Variants in CAMK1D observed in about 807,000 individuals in gnomAD.
The protein encoded by CAMK1D is calcium/calmodulin-dependent protein kinase type 1D.
A neutral mutation model predicts 47.7 loss-of-function variants in CAMK1D; 9 were observed. That is an observed-to-expected ratio of 0.19 (90% confidence interval 0.11 to 0.33). The LOEUF is 0.33. CAMK1D is among the 10% of genes least tolerant of loss of function. The pLI is 1.00. For synonymous variants in CAMK1D, 184 were observed against 184.9 expected (o/e 0.99, Z 0.04); for missense variants, 291 against 488.7 (o/e 0.60, Z 3.81).
In CAMK1D at chr10:12,828,655, A is replaced by AG. The variant is rs1833344771; in HGVS notation, c.1040-114_1040-113insG. The AG allele has an allele frequency of 4.9e-6, 3 of 613,102 alleles. No individual in the cohort carries two copies. In the Admixed American group the frequency reaches 9.5e-5, roughly 19 times the overall value. 38.0% of individuals were successfully genotyped at this position (613,102 alleles called of 1,614,324 possible). A position where few individuals can be genotyped will look rare whatever the true frequency, so the allele number is the denominator to read the frequency against. On this transcript the variant is annotated intron_variant, in intron 10 of 10. Transcript: ENST00000619168. The stretch of plus-strand genomic sequence containing the variant: ...AACTCCATCTCAAGAAAAAAAAAAA[A>AG]TTGGGCCCCCCCGCCCCCCACCATA...
intron 1 of CAMK1D, among the ~76,000 whole-genome samples, chr10:12,350,116 G>T (rs1263342059): frequency 2.6e-5 from 4 of 151,936 alleles, no homozygotes; most frequent in Non-Finnish European, 2.9e-5. Context: ...TCCCGGGAGG[G>T]GGAGGGGGCA....
At chr10:12,451,565 C>T (rs1267140663) in intron 1 of CAMK1D, among the ~76,000 whole-genome samples, 2 of 152,084 alleles carry the variant, frequency 1.3e-5, no homozygotes, top group African/African-American at 2.4e-5. Context: ...TTAGAGGGGG[C>T]GAGAGAAATG....
At chr10:12,630,575 G>GTTTTA (rs573752798) in intron 2 of CAMK1D, among the ~76,000 whole-genome samples, 365 of 151,824 alleles carry the variant, frequency 2.4e-3, no homozygotes, top group Middle Eastern at 0.024. Flanking sequence ...TTGCTTTGTT[G>GTTTTA]TTTTATTTTA....
chr10:12,531,734 C>T (rs1835811481), intron 1 of CAMK1D, among the ~76,000 whole-genome samples: 1 of 152,224 alleles, frequency 6.6e-6, no homozygotes, highest in Non-Finnish European at 1.5e-5. Flanking sequence ...AAACTGCTGT[C>T]CCCTGACATC....
intron 6 of CAMK1D, among the ~76,000 whole-genome samples, chr10:12,805,318 G>A (rs987464111): frequency 6.6e-6 from 1 of 151,018 alleles, no homozygotes; most frequent in African/African-American, 2.4e-5. Context: ...ACCAAGGTGG[G>A]AAGGTAAACA....
chr10:12,452,983 C>T (rs111965958), intron 1 of CAMK1D, among the ~76,000 whole-genome samples: 50 of 152,226 alleles, frequency 3.3e-4, no homozygotes, highest in African/African-American at 1.1e-3. Flanking sequence ...AGAAACTCTG[C>T]CCTCATTCAA....
rs138037823 is a variant in CAMK1D at position 12,828,278 on chromosome 10, T to C, written c.1040-491T>C. Among the ~76,000 whole-genome samples the C allele has an allele frequency of 2.4e-3, 362 of 152,222 alleles. 10 individuals carry two copies. The highest frequency in any genetic ancestry group is 0.021 in the Admixed American group (321 of 15,296). On this transcript the variant is annotated intron_variant, in intron 10 of 10. Transcript: ENST00000619168. ...AAAAAGGAGAGGAGAGGTCTAAGAA[T>C]AAAGCATTTTGAACCCATTGCAAAG...
intron 5 of CAMK1D, among the ~76,000 whole-genome samples, chr10:12,784,278 A>G (rs976633244): frequency 1.3e-5 from 2 of 150,138 alleles, no homozygotes; most frequent in African/African-American, 2.5e-5. Context: ...GCTCACTGCA[A>G]CCTCCACCTC....
At chr10:12,681,216 C>A (rs1564487979) in intron 3 of CAMK1D, among the ~76,000 whole-genome samples, 1 of 152,256 alleles carries the variant, frequency 6.6e-6, no homozygotes, top group Non-Finnish European at 1.5e-5. Context: ...ATCCTGATCG[C>A]CACCACTCCG....
At chr10:12,513,618 T>G (rs143384524) in intron 1 of CAMK1D, among the ~76,000 whole-genome samples, 215 of 152,098 alleles carry the variant, frequency 1.4e-3, no homozygotes, top group African/African-American at 5.0e-3. Context: ...AAACTACGTC[T>G]CTACAAAAAT....
At chr10:12,379,657 G>A (rs1838283368) in intron 1 of CAMK1D, among the ~76,000 whole-genome samples, 1 of 152,128 alleles carries the variant, frequency 6.6e-6, no homozygotes, top group South Asian at 2.1e-4. Flanking sequence ...GGAGGCTGAG[G>A]TAGGAGAATT....
intron 1 of CAMK1D, among the ~76,000 whole-genome samples, chr10:12,406,532 C>T (rs1588450850): frequency 1.3e-5 from 2 of 151,466 alleles, no homozygotes; most frequent in Admixed American, 6.6e-5. Flanking sequence ...CATAGGAAGA[C>T]CCTGTCTCTA....
intron 1 of CAMK1D, among the ~76,000 whole-genome samples, chr10:12,504,225 T>TACAC (rs111662084): frequency 0.077 from 11,364 of 147,638 alleles, 530 homozygotes; most frequent in Admixed American, 0.13. Context: ...ATACACATTT[T>TACAC]ACACACACAC....
intron 3 of CAMK1D, among the ~76,000 whole-genome samples, chr10:12,707,019 A>G (rs534276302): frequency 6.6e-6 from 1 of 152,352 alleles, no homozygotes; most frequent in South Asian, 2.1e-4. Context: ...GACATTACCC[A>G]TCACAAAGAT....
chr10:12,567,462 G>A (rs1048113068), intron 2 of CAMK1D, among the ~76,000 whole-genome samples: 3 of 152,178 alleles, frequency 2.0e-5, no homozygotes, highest in Non-Finnish European at 4.4e-5. Context: ...ATCTAGAGAC[G>A]TTCACGGTTT....
At chr10:12,372,414 G>A (rs758701274) in intron 1 of CAMK1D, among the ~76,000 whole-genome samples, 3 of 152,186 alleles carry the variant, frequency 2.0e-5, no homozygotes, top group Admixed American at 6.5e-5. Flanking sequence ...GGATTTGAAC[G>A]TCAGTAAAGG....
intron 4 of CAMK1D, among the ~76,000 whole-genome samples, chr10:12,768,432 G>A (rs1836880668): frequency 6.6e-6 from 1 of 152,196 alleles, no homozygotes; most frequent in Admixed American, 6.5e-5. Context: ...TGAGGAGAGA[G>A]AATGTGGCTG....
intron 1 of CAMK1D, among the ~76,000 whole-genome samples, chr10:12,374,273 A>G (rs1437972966): frequency 1.3e-5 from 2 of 151,204 alleles, no homozygotes; most frequent in South Asian, 2.1e-4. Flanking sequence ...AAAAAAAAAA[A>G]AAAAAAAGAA....
chr10:12,698,419 G>C (rs140894000), intron 3 of CAMK1D, among the ~76,000 whole-genome samples: 29 of 152,092 alleles, frequency 1.9e-4, no homozygotes, highest in Non-Finnish European at 2.9e-4. Context: ...TTTTATGTGT[G>C]TTTCTGTTTA....
Sources: allele counts gnomAD v4.1 joint callset (sites outside exome capture counted in the v4.1 genomes callset), GRCh38; gene constraint gnomAD v4.1.1; transcripts MANE v1.5; gene names NCBI Gene and HGNC (gene_info 2026-07-23, HGNC 2026-07-21).